OPCML: variants seen among roughly 807,000 people sequenced by gnomAD.
The protein encoded by OPCML is opioid binding protein/cell adhesion molecule like, also known as opioid-binding protein/cell adhesion molecule.
A neutral mutation model predicts 37.8 loss-of-function variants in OPCML; 13 were observed. The ratio of observed to expected loss-of-function variants is 0.34; its 90% CI spans 0.22 to 0.55. The LOEUF is 0.55. Ranked by LOEUF, OPCML falls within the 20% of genes least tolerant of loss-of-function variation. OPCML has a pLI of 0.91. For missense variants in OPCML, 341 were observed against 435.6 expected (o/e 0.78, Z 1.93); for synonymous variants, 176 against 168.8 (o/e 1.04, Z -0.33).
intron 3 of OPCML, among the ~76,000 whole-genome samples, chr11:132,577,282 G>A (rs2096453120): frequency 6.6e-6 from 1 of 152,094 alleles, no homozygotes; most frequent in Non-Finnish European, 1.5e-5. Flanking sequence ...GGTTGCTTAT[G>A]TTAGGAAAAG....
intron 3 of OPCML, among the ~76,000 whole-genome samples, chr11:132,647,797 C>T (rs899697555): frequency 9.2e-5 from 14 of 152,074 alleles, no homozygotes; most frequent in African/African-American, 9.7e-5. Context: ...AAGGGTCAAC[C>T]GTACTCAGCA....
intron 4 of OPCML, among the ~76,000 whole-genome samples, chr11:132,470,209 G>A (rs2096133613): frequency 6.6e-6 from 1 of 152,106 alleles, no homozygotes; most frequent in Non-Finnish European, 1.5e-5. Context: ...CATGTTTGTA[G>A]TTAAGGCAGG....
intron 2 of OPCML, 138 bp downstream of exon 2, chr11:132,942,788 C>T: frequency 9.1e-7 from 1 of 1,100,482 alleles, no homozygotes; most frequent in Non-Finnish European, 1.3e-6. Context: ...CACGGCAGCA[C>T]GCAAGCGGGC....
intron 1 of OPCML, among the ~76,000 whole-genome samples, chr11:133,028,242 A>G (rs1031064546): frequency 2.0e-5 from 3 of 151,138 alleles, no homozygotes; most frequent in Non-Finnish European, 3.0e-5. Flanking sequence ...CACATGTCTT[A>G]AAAAAAAATA....
intron 3 of OPCML, among the ~76,000 whole-genome samples, chr11:132,544,107 C>T (rs974565546): frequency 3.9e-5 from 6 of 151,934 alleles, no homozygotes; most frequent in African/African-American, 1.2e-4. Flanking sequence ...TATTCAATAC[C>T]GGCCTAAGTG....
intron 4 of OPCML, among the ~76,000 whole-genome samples, chr11:132,483,865 T>A (rs965842853): frequency 3.9e-5 from 6 of 151,952 alleles, no homozygotes; most frequent in Non-Finnish European, 8.8e-5. Context: ...GCTAGCCATA[T>A]GTAGAAAGCT....
intron 1 of OPCML, among the ~76,000 whole-genome samples, chr11:133,426,284 T>C (rs1946000713): frequency 6.6e-6 from 1 of 152,162 alleles, no homozygotes; most frequent in Non-Finnish European, 1.5e-5. Flanking sequence ...AACATTTCAG[T>C]AGCAGATTTT....
intron 1 of OPCML, among the ~76,000 whole-genome samples, chr11:133,337,398 G>A (rs955160447): frequency 2.0e-5 from 3 of 152,122 alleles, no homozygotes; most frequent in Non-Finnish European, 4.4e-5. Flanking sequence ...AGGAACAATC[G>A]CCCAGTTGCC....
intron 2 of OPCML, among the ~76,000 whole-genome samples, chr11:132,787,448 T>C (rs1045138525): frequency 6.6e-6 from 1 of 152,212 alleles, no homozygotes; most frequent in Admixed American, 6.5e-5. Flanking sequence ...CAGTCCTTAC[T>C]AATTGAGGGC....
At chr11:133,188,276 G>A (rs1347410123) in intron 1 of OPCML, among the ~76,000 whole-genome samples, 1 of 152,164 alleles carries the variant, frequency 6.6e-6, no homozygotes. Flanking sequence ...ACCTCCAGGA[G>A]GGGGACTGTA....
At chr11:133,522,399 G>T (rs7117082) in intron 1 of OPCML, among the ~76,000 whole-genome samples, 32,283 of 152,142 alleles carry the variant, frequency 0.21, 6,262 homozygotes, top group African/African-American at 0.52. Flanking sequence ...ATATCAAGGA[G>T]CAAAGTATTT....
intron 1 of OPCML, among the ~76,000 whole-genome samples, chr11:133,404,958 G>C (rs1488984362): frequency 1.3e-5 from 2 of 152,186 alleles, no homozygotes; most frequent in African/African-American, 2.4e-5. Flanking sequence ...AATGGAACTT[G>C]ACATTTTAGA....
chr11:132,756,997 G>A (rs1946072334), intron 2 of OPCML, among the ~76,000 whole-genome samples: 1 of 151,944 alleles, frequency 6.6e-6, no homozygotes, highest in African/African-American at 2.4e-5. Flanking sequence ...TTGTTCATAT[G>A]TGCCCATATG....
At chr11:133,117,025 T>G (rs1230220063) in intron 1 of OPCML, among the ~76,000 whole-genome samples, 1 of 152,164 alleles carries the variant, frequency 6.6e-6, no homozygotes, top group Non-Finnish European at 1.5e-5. Flanking sequence ...GTTATCTATT[T>G]AATTCCATAC....
chr11:133,210,109 G>A (rs906748690), intron 1 of OPCML, among the ~76,000 whole-genome samples: 2 of 152,186 alleles, frequency 1.3e-5, no homozygotes, highest in Non-Finnish European at 2.9e-5. Flanking sequence ...GACAGACGAA[G>A]CTGGAACTGG....
intron 1 of OPCML, among the ~76,000 whole-genome samples, chr11:133,069,618 C>T (rs1194457530): frequency 3.3e-5 from 5 of 152,128 alleles, no homozygotes; most frequent in African/African-American, 1.2e-4. Flanking sequence ...CATGTGTGCC[C>T]TAAAACATGT....
In OPCML at chr11:133,083,327, G is replaced by A. The variant is rs1223766059; in HGVS notation, c.62-140317C>T. 3.7e-4 allele frequency among the ~76,000 whole-genome samples: 56 copies of A among 152,132 alleles called. 2 individuals carry two copies. The highest frequency in any genetic ancestry group is 3.5e-3 in the Admixed American group (54 of 15,282). On this transcript the variant is annotated intron_variant, in intron 1 of 7. Transcript: ENST00000524381. ...ACCCCTCTGAGCTGCCCCTCTCCGA[G>A]GCCCCGCGACCGCATGCGTGTGTGC...
intron 1 of OPCML, among the ~76,000 whole-genome samples, chr11:132,987,296 G>A (rs147645394): frequency 2.6e-4 from 39 of 152,264 alleles, no homozygotes; most frequent in Non-Finnish European, 4.3e-4. Context: ...TGACTTCTAC[G>A]CTGCCAACCT....
At chr11:132,696,833 G>A (rs996197348) in intron 2 of OPCML, among the ~76,000 whole-genome samples, 5 of 152,022 alleles carry the variant, frequency 3.3e-5, no homozygotes, top group African/African-American at 1.2e-4. Flanking sequence ...GGAGAAAGTA[G>A]AGAAGAAATT....
Sources: allele counts gnomAD v4.1 joint callset (sites outside exome capture counted in the v4.1 genomes callset), GRCh38; gene constraint gnomAD v4.1.1; transcripts MANE v1.5; gene names NCBI Gene and HGNC (gene_info 2026-07-23, HGNC 2026-07-21).